Variants in CDON observed in about 807,000 individuals in gnomAD.
The protein encoded by CDON is cell adhesion associated, oncogene regulated.
Under a neutral mutation model 120.9 loss-of-function variants are expected in CDON, and 73 were observed. That is an observed-to-expected ratio of 0.60 (90% CI 0.50 to 0.73). CDON has a LOEUF of 0.73. CDON is among the 30% of genes least tolerant of loss of function. CDON has a pLI of 0.00. For synonymous variants in CDON, 566 were observed against 573.5 expected (o/e 0.99, Z 0.19); for missense variants, 1,470 against 1,587.3 (o/e 0.93, Z 1.26).
chr11:126,044,095 C>T (rs150739730), intron 1 of CDON, among the ~76,000 whole-genome samples: 35 of 152,274 alleles, frequency 2.3e-4, no homozygotes, highest in African/African-American at 7.0e-4. Context: ...ATTTATCTTC[C>T]GGTTCATGGC....
chr11:126,028,374 T>C (rs1947852007), intron 1 of CDON, among the ~76,000 whole-genome samples: 1 of 120,568 alleles, frequency 8.3e-6, no homozygotes, highest in Admixed American at 8.8e-5. Context: ...ATTAAAATTC[T>C]TTTTTTTTTG....
intron 9 of CDON, chr11:126,005,542 T>C: frequency 1.7e-6 from 1 of 592,002 alleles, no homozygotes. Flanking sequence ...ATCATTGGGT[T>C]CCTAGAATTC....
chr11:126,045,957 C>T (rs1051736617), intron 1 of CDON, among the ~76,000 whole-genome samples: 1 of 151,416 alleles, frequency 6.6e-6, no homozygotes, highest in African/African-American at 2.4e-5. Context: ...GCAACAAGAG[C>T]GAAACTCCGT....
chr11:125,966,599 C>T (rs543259520), intron 18 of CDON, among the ~76,000 whole-genome samples: 11 of 152,240 alleles, frequency 7.2e-5, no homozygotes, highest in African/African-American at 2.6e-4. Context: ...CTGATGAAAG[C>T]TCAAGCCGCA....
intron 1 of CDON, among the ~76,000 whole-genome samples, chr11:126,053,771 A>G (rs1948623750): frequency 6.7e-6 from 1 of 148,730 alleles, no homozygotes; most frequent in Admixed American, 6.6e-5. Context: ...ATAGTCACCA[A>G]CAGGAGAGGG....
chr11:125,971,382 C>CTAAATAAATAAA (rs374833815), intron 18 of CDON, among the ~76,000 whole-genome samples: 15,664 of 103,042 alleles, frequency 0.15, 1,083 homozygotes, highest in Non-Finnish European at 0.22. Flanking sequence ...GACTCTGTCT[C>CTAAATAAATAAA]TAAATAAATA....
At chr11:126,025,624 G>A (rs1290183946) in intron 1 of CDON, among the ~76,000 whole-genome samples, 2 of 152,138 alleles carry the variant, frequency 1.3e-5, no homozygotes, top group African/African-American at 4.8e-5. Context: ...TGGCAAGAAT[G>A]TGAGCAAAAA....
chr11:125,986,997 C>T (rs1274097026), intron 15 of CDON, among the ~76,000 whole-genome samples: 4 of 152,122 alleles, frequency 2.6e-5, no homozygotes, highest in Non-Finnish European at 5.9e-5. Context: ...ATTCTATGTC[C>T]TGGTCAACCC....
At chr11:125,989,407 G>A (rs1428390357) in intron 15 of CDON, among the ~76,000 whole-genome samples, 8 of 152,116 alleles carry the variant, frequency 5.3e-5, no homozygotes, top group Non-Finnish European at 8.8e-5. Flanking sequence ...GTGGTGGTGC[G>A]CACCTGCAGC....
At chr11:125,975,885 T>C (rs1329440386) in intron 18 of CDON, among the ~76,000 whole-genome samples, 1 of 152,208 alleles carries the variant, frequency 6.6e-6, no homozygotes, top group African/African-American at 2.4e-5. Flanking sequence ...GCCTGGGTAG[T>C]GCTCAGTAAA....
chr11:126,053,505 G>A (rs184704445), intron 1 of CDON, among the ~76,000 whole-genome samples: 1 of 152,208 alleles, frequency 6.6e-6, no homozygotes, highest in African/African-American at 2.4e-5. Context: ...AAATCCAACC[G>A]CTCTGATCGG....
chr11:125,968,653 C>A (rs746626742), intron 18 of CDON, among the ~76,000 whole-genome samples: 13 of 152,226 alleles, frequency 8.5e-5, no homozygotes, highest in Non-Finnish European at 1.6e-4. Context: ...TTACTTTATT[C>A]TGAACTATGA....
At chr11:126,015,038 CT>C (rs935289000) in intron 7 of CDON, 4 of 599,890 alleles carry the variant, frequency 6.7e-6, no homozygotes, top group Admixed American at 3.0e-5. Flanking sequence ...TTTTTAAAAA[CT>C]TTTTTTAATG....
intron 1 of CDON, among the ~76,000 whole-genome samples, chr11:126,050,838 C>T (rs1948541193): frequency 6.6e-6 from 1 of 152,126 alleles, no homozygotes; most frequent in South Asian, 2.1e-4. Context: ...CAGACAAGGA[C>T]CTGGCTCTGC....
At chr11:125,997,973 G>T (rs1946837223) in intron 11 of CDON, among the ~76,000 whole-genome samples, 1 of 152,146 alleles carries the variant, frequency 6.6e-6, no homozygotes, top group African/African-American at 2.4e-5. Context: ...TAATAAAGGG[G>T]AGAGAGAATG....
chr11:125,969,838 C>A (rs1317261282), intron 18 of CDON, among the ~76,000 whole-genome samples: 1 of 145,206 alleles, frequency 6.9e-6, no homozygotes, highest in East Asian at 1.9e-4. Context: ...TTAAGCAACA[C>A]TCTGAATAGC....
chr11:126,011,788 C>T (rs141601784), intron 7 of CDON, among the ~76,000 whole-genome samples: 2 of 152,308 alleles, frequency 1.3e-5, no homozygotes, highest in South Asian at 2.1e-4. Context: ...ACAGATCATA[C>T]ATTCTTCAAT....
At position 126,015,587 on chromosome 11, in the gene CDON, TTC is replaced by T. The variant is rs1379829882; in HGVS notation, c.929-79_929-78del. On this transcript the variant is annotated intron_variant, in intron 6 of 19. Coordinates refer to ENST00000531738, the MANE Select transcript of CDON (RefSeq NM_001378964.1). Reference sequence around the variant, plus strand: ...AATTATCACTCGAGTGATAAAAATCTTCTCTCTACCAATAACCAGTTGAAACA... The same window carrying T: ...AATTATCACTCGAGTGATAAAAATCTTCTCTACCAATAACCAGTTGAAACA... The T allele has an allele frequency of 4.2e-6, 6 of 1,443,458 alleles. No homozygotes were observed. In the South Asian group the frequency reaches 7.2e-5, roughly 17 times the overall value. 89.4% of individuals were successfully genotyped at this position (1,443,458 alleles called of 1,614,324 possible). A position where few individuals can be genotyped will look rare whatever the true frequency, so the allele number is the denominator to read the frequency against.
At chr11:126,047,143 G>C (rs1192359748) in intron 1 of CDON, among the ~76,000 whole-genome samples, 1 of 152,074 alleles carries the variant, frequency 6.6e-6, no homozygotes, top group Non-Finnish European at 1.5e-5. Flanking sequence ...ACCTAGCCTA[G>C]TAAAGCTAGG....
Sources: allele counts gnomAD v4.1 joint callset (sites outside exome capture counted in the v4.1 genomes callset), GRCh38; gene constraint gnomAD v4.1.1; transcripts MANE v1.5; gene names NCBI Gene and HGNC (gene_info 2026-07-23, HGNC 2026-07-21).